The following BMERB1 variants were observed in gnomAD, a reference collection of about 807,000 sequenced individuals.
BMERB1 encodes the protein bMERB domain containing 1, also known as bMERB domain-containing protein 1.
In BMERB1, 12 loss-of-function variants were observed where a neutral mutation model predicts 23.6. That is an observed-to-expected ratio of 0.51 (90% CI 0.33 to 0.82). The LOEUF (loss-of-function observed/expected upper bound fraction) is 0.82. Among genes scored for constraint, BMERB1 ranks in the 40% least tolerant of loss-of-function variants. The pLI, the probability that BMERB1 is intolerant of heterozygous loss-of-function variation, is 0.03. For missense variants in BMERB1, 247 were observed against 255.4 expected (o/e 0.97, Z 0.22); for synonymous variants, 122 against 96.6 (o/e 1.26, Z -1.54).
chr16:15,451,316 G>C (rs1231608523), intron 1 of BMERB1, among the ~76,000 whole-genome samples: 1 of 151,844 alleles, frequency 6.6e-6, no homozygotes, highest in African/African-American at 2.4e-5. Context: ...TCAGCCTCTT[G>C]AGTAGCTGGG....
intron 1 of BMERB1, among the ~76,000 whole-genome samples, chr16:15,498,818 G>A (rs2051499824): frequency 1.3e-5 from 2 of 152,244 alleles, no homozygotes; most frequent in Admixed American, 1.3e-4. Flanking sequence ...ATTTTGGGTT[G>A]GGGAGAGGAT....
rs148423551 is a variant in BMERB1 at position 15,557,722 on chromosome 16, G to T, written c.231-10261G>T. On this transcript the variant is annotated intron_variant, in intron 2 of 5. Coordinates refer to ENST00000300006, the MANE Select transcript of BMERB1 (RefSeq NM_033201.3). ...CAGCCCCAGGCAAACCAAGTCAGTTGTTCACACTACTTAAGTCATAAGGAC... is the reference window on the plus strand; with the variant it reads ...CAGCCCCAGGCAAACCAAGTCAGTTTTTCACACTACTTAAGTCATAAGGAC... Among the ~76,000 whole-genome samples, 48 of 152,294 alleles carry T rather than the reference G, an allele frequency of 3.2e-4. No homozygotes were observed. In the East Asian group the frequency reaches 9.3e-3, roughly 29 times the overall value.
intron 1 of BMERB1, among the ~76,000 whole-genome samples, chr16:15,465,130 C>T (rs2051169959): frequency 6.6e-6 from 1 of 152,092 alleles, no homozygotes; most frequent in Non-Finnish European, 1.5e-5. Flanking sequence ...CATACACACA[C>T]ACACCAATGA....
At chr16:15,527,027 G>A (rs1429400274) in intron 2 of BMERB1, among the ~76,000 whole-genome samples, 2 of 149,564 alleles carry the variant, frequency 1.3e-5, no homozygotes, top group Non-Finnish European at 3.0e-5. Context: ...AACATTTTAT[G>A]CACACTTATA....
intron 1 of BMERB1, among the ~76,000 whole-genome samples, chr16:15,463,294 A>G (rs1014378277): frequency 2.0e-5 from 3 of 149,264 alleles, no homozygotes; most frequent in Non-Finnish European, 2.9e-5. Context: ...GGATCTCACT[A>G]TGTTACTCAG....
At chr16:15,541,420 A>ATTTTT (rs1567491576) in intron 2 of BMERB1, among the ~76,000 whole-genome samples, 1 of 132,758 alleles carries the variant, frequency 7.5e-6, no homozygotes, top group African/African-American at 2.9e-5. Context: ...TGCCCGCCGA[A>ATTTTT]TTGTTTTTTT....
chr16:15,509,344 A>C (rs1301289141), intron 1 of BMERB1, among the ~76,000 whole-genome samples: 1 of 141,050 alleles, frequency 7.1e-6, no homozygotes, highest in African/African-American at 2.7e-5. Context: ...GTGGGGGGGG[A>C]GAGAGAGAGC....
intron 4 of BMERB1, 191 bp downstream of exon 4, chr16:15,581,522 A>T: frequency 2.1e-6 from 1 of 482,982 alleles, no homozygotes; most frequent in South Asian, 4.2e-5. Flanking sequence ...TATATAAGAG[A>T]ATTTCAAATC....
chr16:15,477,072 G>A (rs2051280818), intron 1 of BMERB1, among the ~76,000 whole-genome samples: 1 of 152,186 alleles, frequency 6.6e-6, no homozygotes, highest in Non-Finnish European at 1.5e-5. Flanking sequence ...ACCAGCCTAG[G>A]CAACTGTATT....
intron 2 of BMERB1, among the ~76,000 whole-genome samples, chr16:15,544,865 A>G (rs981898048): frequency 6.6e-6 from 1 of 152,224 alleles, no homozygotes; most frequent in African/African-American, 2.4e-5. Context: ...AAGACACTCT[A>G]TCAGAGAATT....
At chr16:15,483,910 A>T (rs1390767979) in intron 1 of BMERB1, among the ~76,000 whole-genome samples, 1 of 152,178 alleles carries the variant, frequency 6.6e-6, no homozygotes, top group East Asian at 1.9e-4. Context: ...GTAATTTATA[A>T]ATAAAAGAGG....
At chr16:15,550,557 C>G (rs183423550) in intron 2 of BMERB1, among the ~76,000 whole-genome samples, 131 of 149,580 alleles carry the variant, frequency 8.8e-4, no homozygotes, top group Non-Finnish European at 5.0e-4. Context: ...AGGCTGATCT[C>G]AAACTCCTGA....
At chr16:15,439,233 C>T (rs1361716895) in intron 1 of BMERB1, among the ~76,000 whole-genome samples, 1 of 152,162 alleles carries the variant, frequency 6.6e-6, no homozygotes, top group Non-Finnish European at 1.5e-5. Context: ...CAGCCTCATT[C>T]AGCTGTCACT....
chr16:15,544,152 T>G (rs2150963860), intron 2 of BMERB1, among the ~76,000 whole-genome samples: 1 of 152,360 alleles, frequency 6.6e-6, no homozygotes. Flanking sequence ...TAACCAGATT[T>G]CTCTCGAATT....
chr16:15,442,795 C>G (rs1273272394), intron 1 of BMERB1, among the ~76,000 whole-genome samples: 1 of 152,124 alleles, frequency 6.6e-6, no homozygotes, highest in East Asian at 1.9e-4. Context: ...AGGGCTGGAG[C>G]CTGATTCTAA....
intron 1 of BMERB1, among the ~76,000 whole-genome samples, chr16:15,482,780 C>T (rs1598463925): frequency 6.6e-6 from 1 of 152,278 alleles, no homozygotes; most frequent in East Asian, 1.9e-4. Flanking sequence ...AAAATTAATA[C>T]ATGTACATAA....
At chr16:15,584,613 A>G (rs890020269) in intron 5 of BMERB1, among the ~76,000 whole-genome samples, 5 of 152,054 alleles carry the variant, frequency 3.3e-5, no homozygotes, top group Non-Finnish European at 5.9e-5. Context: ...AAACTGGTCT[A>G]AGCAAAAAAA....
chr16:15,456,306 T>G (rs2051087084), intron 1 of BMERB1, among the ~76,000 whole-genome samples: 1 of 152,106 alleles, frequency 6.6e-6, no homozygotes, highest in Non-Finnish European at 1.5e-5. Flanking sequence ...ATGACCATCT[T>G]TCTAAGTCAG....
chr16:15,485,375 G>A (rs889551730), intron 1 of BMERB1, among the ~76,000 whole-genome samples: 6 of 152,144 alleles, frequency 3.9e-5, no homozygotes, highest in Admixed American at 6.5e-5. Context: ...CAAATCTCCT[G>A]GCCATTCAGG....
Sources: allele counts gnomAD v4.1 joint callset (sites outside exome capture counted in the v4.1 genomes callset), GRCh38; gene constraint gnomAD v4.1.1; transcripts MANE v1.5; gene names NCBI Gene and HGNC (gene_info 2026-07-23, HGNC 2026-07-21).